PRR12: variants seen among roughly 807,000 people sequenced by gnomAD.
PRR12 encodes proline-rich protein 12.
Under a neutral mutation model 138.0 loss-of-function variants are expected in PRR12, and 12 were observed. The observed-to-expected ratio is 0.09, with a 90% CI of 0.06 to 0.14. PRR12 has a LOEUF of 0.14. Among genes scored for constraint, PRR12 ranks in the 10% least tolerant of loss-of-function variants. The pLI, the probability that PRR12 is intolerant of heterozygous loss-of-function variation, is 1.00. For synonymous variants in PRR12, 1,567 were observed against 1,291.7 expected, an observed-to-expected ratio of 1.21 and a Z score of -4.57; for missense variants, 2,692 against 2,861.3, an observed-to-expected ratio of 0.94 and a Z score of 1.35.
chr19:49,598,647 C>T (rs1218095961), intron 4 of PRR12, among the ~76,000 whole-genome samples: 2 of 152,094 alleles, frequency 1.3e-5, no homozygotes, highest in South Asian at 2.1e-4. Context: ...TAGTGAGACC[C>T]TGGTCTCTAT....
Position 49,624,709 on chromosome 19 carries a change from C to G in PRR12, c.5722-135C>G. On this transcript the variant is annotated intron_variant, in intron 11 of 13. Coordinates refer to ENST00000418929, the MANE Select transcript of PRR12 (RefSeq NM_020719.3). ...ACTGGTCAGGCCCAGCCTCCTCTGTCCTTTGAGGAGACTCTAGTTGTCTCT... is the reference window on the plus strand; with the variant it reads ...ACTGGTCAGGCCCAGCCTCCTCTGTGCTTTGAGGAGACTCTAGTTGTCTCT... 3.0e-6 allele frequency: 4 copies of G among 1,316,240 alleles called. No individual in the cohort carries two copies. The South Asian group carries it at 6.1e-5, about 20-fold the overall frequency. 81.5% of individuals were successfully genotyped at this position (1,316,240 alleles called of 1,614,324 possible). A position where few individuals can be genotyped will look rare whatever the true frequency, so the allele number is the denominator to read the frequency against.
Position 49,615,929 on chromosome 19 carries a change from G to T in PRR12, c.5207G>T (p.Arg1736Leu), listed in dbSNP as rs978954003. 1.3e-6 allele frequency: 2 copies of T among 1,556,202 alleles called. No individual in the cohort carries two copies. The highest frequency in any genetic ancestry group is 2.7e-5 in the African/African-American group (2 of 73,062). Residue 1736 changes from arginine (R) to leucine (L), a missense_variant, in exon 9 of 14, where the codon CGG (arginine) becomes CTG (leucine). Coordinates refer to ENST00000418929, the MANE Select transcript of PRR12 (RefSeq NM_020719.3). The stretch of plus-strand genomic sequence containing the variant: ...GCCCCCGAGAAGCCCTCCCTCCTGC[G>T]GCCTGTTGAGAAGGAAAAGGAGAAG... ...PPAPEKPSLL[R>L]PVEKEKEKEK...
intron 10 of PRR12, among the ~76,000 whole-genome samples, chr19:49,621,226 G>T (rs2080921605): frequency 1.4e-5 from 2 of 138,178 alleles, no homozygotes; most frequent in Admixed American, 7.2e-5. Flanking sequence ...TGGGGGTCTG[G>T]ACTCTTGGGT....
chr19:49,598,077 T>C, intron 4 of PRR12, 64 bp downstream of exon 4: 1 of 530,618 alleles, frequency 1.9e-6, no homozygotes, highest in Non-Finnish European at 2.4e-6. Flanking sequence ...GTTTGAGTCT[T>C]TTTTTTTTTT....
rs768682542 is a variant in PRR12, at chr19:49,597,575, G to A, written c.3240G>A (p.Leu1080=). 241 of 1,603,208 alleles carry A rather than the reference G, an allele frequency of 1.5e-4. 4 individuals carry two copies. The Middle Eastern group carries it at 3.1e-3, about 21-fold the overall frequency. ...TGCTCAAGACATCCTCCTTCCACCT[G>A]CTGCGGCGCCGCGACCCACCCTTCC... ...KKLLKTSSFH[L]LRRRDPPFQT... Residue 1080 remains leucine, a synonymous_variant, in exon 4 of 14, where the codon CTG becomes CTA. Transcript: ENST00000418929. The surrounding 1 kb of genome is among the most constrained non-coding windows in gnomAD (Gnocchi z 6.3).
intron 8 of PRR12, among the ~76,000 whole-genome samples, 154 bp downstream of exon 8, chr19:49,615,163 T>C (rs1409398885): frequency 8.4e-6 from 1 of 118,866 alleles, no homozygotes; most frequent in Admixed American, 8.9e-5. Flanking sequence ...CGGAGAGAAA[T>C]AGGGACAGAG....
chr19:49,623,431 C>A (rs1387870834), intron 11 of PRR12, among the ~76,000 whole-genome samples: 1 of 151,826 alleles, frequency 6.6e-6, no homozygotes, highest in Non-Finnish European at 1.5e-5. Flanking sequence ...CAATAACAAC[C>A]CATCCTGGCT....
chr19:49,615,055 C>T (rs1209337078), intron 8 of PRR12, 46 bp downstream of exon 8: 29 of 1,610,032 alleles, frequency 1.8e-5, no homozygotes, highest in Non-Finnish European at 2.3e-5. Context: ...GTAGCGCCGA[C>T]AGGCATGGGG....
At chr19:49,601,048 G>T (rs1366826718) in intron 5 of PRR12, among the ~76,000 whole-genome samples, 3 of 152,154 alleles carry the variant, frequency 2.0e-5, no homozygotes, top group Non-Finnish European at 2.9e-5. Context: ...TAAAAAGCCT[G>T]AAGAAGGGAG....
At chr19:49,603,782 T>C (rs542416086) in intron 6 of PRR12, among the ~76,000 whole-genome samples, 1 of 152,148 alleles carries the variant, frequency 6.6e-6, no homozygotes, top group South Asian at 2.1e-4. Context: ...ATGGGAAGAA[T>C]TAATTATTAA....
At chr19:49,593,683 C>T (rs921388934) in intron 2 of PRR12, among the ~76,000 whole-genome samples, 1 of 152,128 alleles carries the variant, frequency 6.6e-6, no homozygotes, top group African/African-American at 2.4e-5. Flanking sequence ...ACCATCAGCC[C>T]CCAAATCCCA....
Position 49,593,426 on chromosome 19 carries a change from C to G in PRR12, c.186C>G (p.Asn62Lys). The G allele has an allele frequency of 6.3e-7, 1 of 1,596,654 alleles. No individual in the cohort carries two copies. The highest frequency in any genetic ancestry group is 8.6e-7 in the Non-Finnish European group (1 of 1,166,178). ...APHPLQSYAT[N>K]HHPAGLSGLF... ...ACCCACTGCAAAGCTATGCCACCAA[C>G]CACCACCCGGCAGGTACGGCCCCCA... The change falls in exon 2 of 14, where the codon AAC becomes AAG. Residue 62 changes from asparagine (N) to lysine (K), a missense_variant. Physicochemically the swap from Asn to Lys is moderately conservative, Grantham distance 94 (BLOSUM62 0). Around this residue, in one of 11 missense-constraint regions of PRR12, gnomAD observed 211 missense variants for 266.3 expected, o/e 0.79. Coordinates refer to ENST00000418929, the MANE Select transcript of PRR12 (RefSeq NM_020719.3).
rs2080779686 is a variant in PRR12, at chr19:49,597,343, C to G, written c.3008C>G (p.Pro1003Arg). ...CCTGGCCGGGCGTCGGGAGCCGGGC[C>G]CGAGACACCGGGCCTGGGCCTGGAC... ...YCPGRASGAG[P>R]ETPGLGLDPN... The change falls in exon 4 of 14, where the codon CCC becomes CGC. Residue 1003 changes from proline to arginine, a missense_variant. Transcript: ENST00000418929. The surrounding 1 kb of genome is among the most constrained non-coding windows in gnomAD (Gnocchi z 6.3). 6.5e-7 allele frequency: 1 copy of G among 1,541,100 alleles called. No individual in the cohort carries two copies. The highest frequency in any genetic ancestry group is 8.7e-7 in the Non-Finnish European group (1 of 1,147,572).
rs2080728220 is a variant in PRR12, at chr19:49,591,688, G to A, written c.34G>A (p.Asp12Asn). The change falls in exon 1 of 14, where the codon GAC becomes AAC. Residue 12 changes from aspartate (D) to asparagine (N), a missense_variant. Physicochemically the swap from Asp to Asn is conservative, Grantham distance 23 (BLOSUM62 1). Around this residue, in one of 11 missense-constraint regions of PRR12, gnomAD observed 211 missense variants for 266.3 expected, o/e 0.79. Coordinates refer to ENST00000418929, the MANE Select transcript of PRR12 (RefSeq NM_020719.3). The part of the protein sequence containing the change: ...DRNYPSAGFG[D>N]PLGAGAGWSY... ...GAACTACCCCAGCGCCGGCTTCGGGGACCCGCTCGGCGCCGGGGCGGGATG... is the reference window on the plus strand; with the variant it reads ...GAACTACCCCAGCGCCGGCTTCGGGAACCCGCTCGGCGCCGGGGCGGGATG... 2 of 1,499,930 alleles carry A rather than the reference G, an allele frequency of 1.3e-6. No individual in the cohort carries two copies. Among genetic ancestry groups the A allele is most frequent in the Admixed American group, 2.4e-5 (1 of 42,474 alleles). 92.9% of individuals were successfully genotyped at this position (1,499,930 alleles called of 1,614,324 possible).
Position 49,614,711 on chromosome 19 carries a change from G to A in PRR12, c.4890+62G>A. The A allele has an allele frequency of 6.7e-7, 1 of 1,492,428 alleles. No individual in the cohort carries two copies. The highest frequency in any genetic ancestry group is 2.4e-5 in the East Asian group (1 of 40,876). 92.4% of individuals were successfully genotyped at this position (1,492,428 alleles called of 1,614,324 possible). ...CGGGGCGTGGTATCTAGGAGCTGGGGTTCCCCTTAGTGTGGCTGTGACTCA... is the reference window on the plus strand; with the variant it reads ...CGGGGCGTGGTATCTAGGAGCTGGGATTCCCCTTAGTGTGGCTGTGACTCA... On this transcript the variant is annotated intron_variant, in intron 7 of 13. Transcript: ENST00000418929. The surrounding 1 kb of genome is among the most constrained non-coding windows in gnomAD (Gnocchi z 5.0).
chr19:49,607,679 A>G (rs551296519), intron 6 of PRR12, among the ~76,000 whole-genome samples: 5 of 145,924 alleles, frequency 3.4e-5, no homozygotes, highest in Admixed American at 2.0e-4. Flanking sequence ...CTGCACTCCA[A>G]TCTGGGTGAC....
At chr19:49,615,242 G>A (rs938145255) in intron 8 of PRR12, among the ~76,000 whole-genome samples, 1 of 150,896 alleles carries the variant, frequency 6.6e-6, no homozygotes, top group African/African-American at 2.4e-5. Context: ...GGGGGACAGA[G>A]ACCCAGAGAT....
At chr19:49,603,116 C>T (rs552034147) in intron 6 of PRR12, among the ~76,000 whole-genome samples, 1 of 152,238 alleles carries the variant, frequency 6.6e-6, no homozygotes, top group African/African-American at 2.4e-5. Context: ...ATCTCTGGCT[C>T]ATCATGAATA....
In PRR12 at chr19:49,601,774, C is replaced by G. The variant is rs767219296; in HGVS notation, c.4629C>G (p.Thr1543=). Residue 1543 remains threonine (T), a synonymous_variant, in exon 6 of 14, where the codon ACC becomes ACG. Transcript: ENST00000418929. Reference sequence around the variant, plus strand: ...CCGAAGACCCCGAGCTGCCGGACACCCGGCCCCTGCATCTGGCCAAAAAGC... The same window carrying G: ...CCGAAGACCCCGAGCTGCCGGACACGCGGCCCCTGCATCTGGCCAAAAAGC... ...PSPEDPELPD[T]RPLHLAKKQE... is the part of the protein sequence containing the mutation. 7 of 1,602,074 alleles carry G rather than the reference C, an allele frequency of 4.4e-6. No individual in the cohort carries two copies. The highest frequency in any genetic ancestry group is 6.0e-6 in the Non-Finnish European group (7 of 1,176,138).
Sources: allele counts gnomAD v4.1 joint callset (sites outside exome capture counted in the v4.1 genomes callset), GRCh38; gene constraint gnomAD v4.1.1; regional missense constraint gnomAD v4.1.1; non-coding constraint Gnocchi (gnomAD v3.1); transcripts MANE v1.5; gene names NCBI Gene and HGNC (gene_info 2026-07-23, HGNC 2026-07-21).